Variants in C1orf50 observed in about 807,000 individuals in gnomAD.
C1orf50 encodes the protein uncharacterized protein C1orf50.
Under a neutral mutation model 23.3 loss-of-function variants are expected in C1orf50, and 22 were observed. The observed-to-expected ratio is 0.94, with a 90% CI of 0.67 to 1.35. The LOEUF (loss-of-function observed/expected upper bound fraction) is 1.35. C1orf50 is among the 40% of genes most tolerant of loss of function. The probability of loss-of-function intolerance (pLI) is 0.00; values close to 1 mark genes in which losing one functional copy is unlikely to be tolerated. For missense variants in C1orf50, 271 were observed against 249.4 expected (o/e 1.09, Z -0.58); for synonymous variants, 96 against 102.4 (o/e 0.94, Z 0.38).
At chr1:42,767,416 G>A (rs1240663440) in intron 1 of C1orf50, 26 bp downstream of exon 1, 6 of 1,555,356 alleles carry the variant, frequency 3.9e-6, no homozygotes, top group Non-Finnish European at 5.2e-6. Context: ...GTCAGCAGGG[G>A]GAAGTCAGCT....
intron 3 of C1orf50, 112 bp from the exon 4 acceptor site, chr1:42,774,625 G>C: frequency 8.5e-7 from 1 of 1,170,586 alleles, no homozygotes; most frequent in Non-Finnish European, 1.2e-6. Context: ...ATTGCTATGG[G>C]GGAGCAAGAT....
At chr1:42,767,709 T>A in intron 2 of C1orf50, 85 bp downstream of exon 2, 1 of 1,199,258 alleles carries the variant, frequency 8.3e-7, no homozygotes. Context: ...CACTACCACC[T>A]ATGGTGGGGG....
intron 2 of C1orf50, among the ~76,000 whole-genome samples, chr1:42,771,705 C>T (rs566447435): frequency 2.0e-5 from 3 of 152,206 alleles, no homozygotes; most frequent in Non-Finnish European, 2.9e-5. Flanking sequence ...TAGCTGAGCA[C>T]GGTGGCTCAT....
rs1005055696 is a variant in C1orf50, at chr1:42,774,991, G to A, written c.414+123G>A. 5.7e-6 allele frequency: 7 copies of A among 1,237,094 alleles called. No individual in the cohort carries two copies. In the African/African-American group the frequency reaches 1.1e-4, roughly 19 times the overall value. The allele number at this position is 1,237,094 out of a possible 1,614,324, so 76.6% of individuals were successfully genotyped here. On this transcript the variant is annotated intron_variant, in intron 4 of 4. Transcript: ENST00000372525. The stretch of plus-strand genomic sequence containing the variant: ...TCTTAGAAAATTGGGGGTGATGTGA[G>A]CCCAGACATGACTCTAAAAAATATA...
At position 42,775,494 on chromosome 1, in the gene C1orf50, A is replaced by G. The variant is rs957148167; in HGVS notation, c.*100A>G. On this transcript the variant is annotated 3_prime_UTR_variant, in exon 5 of 5. Transcript: ENST00000372525. ...ATTGAAGACATGTAGGTGACTCACA[A>G]ACTTCTTGGAAAGAGACCCTGTGTG... is the stretch of plus-strand genomic sequence containing the variant. 50 of 1,075,818 alleles carry G rather than the reference A, an allele frequency of 4.6e-5. 1 individual carries two copies. The highest frequency in any genetic ancestry group is 2.8e-4 in the South Asian group (15 of 53,380). 66.6% of individuals were successfully genotyped at this position (1,075,818 alleles called of 1,614,324 possible).
In C1orf50 at chr1:42,775,567, T is replaced by C. The variant is rs541332334; in HGVS notation, c.*173T>C. On this transcript the variant is annotated 3_prime_UTR_variant, in exon 5 of 5. Coordinates refer to ENST00000372525, the MANE Select transcript of C1orf50 (RefSeq NM_024097.4). ...CTTTTAATTGGGATGGGAATAATCA[T>C]TGAGACAGAGTCACTGTCTTTCGGG... 3.7e-5 allele frequency: 20 copies of C among 545,086 alleles called. No individual in the cohort carries two copies. Among genetic ancestry groups the C allele is most frequent in the Admixed American group, 1.3e-4 (4 of 31,942 alleles). The allele number at this position is 545,086 out of a possible 1,614,324, so 33.8% of individuals were successfully genotyped here. A position where few individuals can be genotyped will look rare whatever the true frequency, so the allele number is the denominator to read the frequency against.
intron 2 of C1orf50, among the ~76,000 whole-genome samples, chr1:42,770,235 T>C (rs1312099035): frequency 3.9e-5 from 6 of 152,318 alleles, no homozygotes; most frequent in African/African-American, 1.4e-4. Flanking sequence ...TTTTCCTTTT[T>C]TTGGACCTCA....
chr1:42,769,847 A>G (rs1653180273), intron 2 of C1orf50: 1 of 152,242 alleles, frequency 6.6e-6, no homozygotes, highest in Admixed American at 6.5e-5. Flanking sequence ...CGTCTCAAAA[A>G]AAAAAGTACT....
chr1:42,775,785 T>TATATATATATATAA lies in C1orf50; in HGVS notation c.*392_*393insTATATATATATAAA, dbSNP rs749472119. 4.1e-3 allele frequency: 594 copies of TATATATATATATAA among 144,368 alleles called. 5 individuals are homozygous for TATATATATATATAA. Among genetic ancestry groups the TATATATATATATAA allele is most frequent in the African/African-American group, 0.015 (577 of 39,658 alleles). The allele number at this position is 144,368 out of a possible 1,614,324, so 8.9% of individuals were successfully genotyped here. A position where few individuals can be genotyped will look rare whatever the true frequency, so the allele number is the denominator to read the frequency against. On this transcript the variant is annotated 3_prime_UTR_variant, in exon 5 of 5. Coordinates refer to ENST00000372525, the MANE Select transcript of C1orf50 (RefSeq NM_024097.4). ...TTTTATATATATATATATATATATA[T>TATATATATATATAA]AACTGGTAGTATTTAACATTGGGGT...
chr1:42,770,514 C>T (rs1653193851), intron 2 of C1orf50, among the ~76,000 whole-genome samples: 1 of 151,762 alleles, frequency 6.6e-6, no homozygotes, highest in African/African-American at 2.4e-5. Context: ...CTCACAGCAA[C>T]CTCTGCCTAC....
Position 42,775,482 on chromosome 1 carries a change from A to G in C1orf50, c.*88A>G. On this transcript the variant is annotated 3_prime_UTR_variant, in exon 5 of 5. Transcript: ENST00000372525. The stretch of plus-strand genomic sequence containing the variant: ...GTTGCCTTGAGAATTGAAGACATGT[A>G]GGTGACTCACAAACTTCTTGGAAAG... 1 of 1,231,104 alleles carries G rather than the reference A, an allele frequency of 8.1e-7. No homozygotes were observed. The highest frequency in any genetic ancestry group is 2.9e-4 in the Middle Eastern group (1 of 3,426). 76.3% of individuals were successfully genotyped at this position (1,231,104 alleles called of 1,614,324 possible).
chr1:42,772,947 G>A (rs1570494199), intron 2 of C1orf50, among the ~76,000 whole-genome samples: 1 of 152,190 alleles, frequency 6.6e-6, no homozygotes, highest in Non-Finnish European at 1.5e-5. Flanking sequence ...TTAAGTAGTT[G>A]TGATGTAAAT....
chr1:42,767,344 G>C lies in C1orf50; in HGVS notation c.33G>C (p.Glu11Asp), dbSNP rs767916583. ...ACGCCGCCGCGCCGGGGCGGACCGAGGGGGTCCTTGAAAGGCAAGGAGCGC... is the reference window on the plus strand; with the variant it reads ...ACGCCGCCGCGCCGGGGCGGACCGACGGGGTCCTTGAAAGGCAAGGAGCGC... MEDAAAPGRTEGVLERQGAPP... is the reference protein window; with the variant it reads MEDAAAPGRTDGVLERQGAPP... The change falls in exon 1 of 5, where the codon GAG (glutamate) becomes GAC (aspartate). Residue 11 changes from glutamate (E) to aspartate (D), a missense_variant. Glu to Asp is a conservative substitution (Grantham distance 45). Coordinates refer to ENST00000372525, the MANE Select transcript of C1orf50 (RefSeq NM_024097.4). The C allele has an allele frequency of 3.1e-5, 48 of 1,535,836 alleles. No individual in the cohort carries two copies. Among genetic ancestry groups the C allele is most frequent in the Non-Finnish European group, 4.1e-5 (47 of 1,145,972 alleles).
rs1288743909 is a variant in C1orf50 at position 42,777,467 on chromosome 1, C to G, written c.*2073C>G. The G allele has an allele frequency of 6.6e-6, 1 of 152,286 alleles. No individual in the cohort carries two copies. The highest frequency in any genetic ancestry group is 1.5e-5 in the Non-Finnish European group (1 of 68,090). The allele number at this position is 152,286 out of a possible 1,614,324, so 9.4% of individuals were successfully genotyped here. On this transcript the variant is annotated 3_prime_UTR_variant, in exon 5 of 5. Coordinates refer to ENST00000372525, the MANE Select transcript of C1orf50 (RefSeq NM_024097.4). ...GACTGTTGGCTGGAGGTTGCCCTCA[C>G]TTCCTTGCCACACGAGCCTCTATAA...
At chr1:42,774,935 A>C in intron 4 of C1orf50, 67 bp downstream of exon 4, 1 of 1,546,154 alleles carries the variant, frequency 6.5e-7, no homozygotes, top group Non-Finnish European at 8.8e-7. Flanking sequence ...TATATGTGTG[A>C]AAATGTAGAC....
In C1orf50 at chr1:42,767,322, C is replaced by T; in HGVS notation, c.11C>T (p.Ala4Val). MED[A>V]AAPGRTEGVL... ...GGATAAGGCGCTGTCATGGAGGACG[C>T]CGCCGCGCCGGGGCGGACCGAGGGG... Residue 4 changes from alanine (A) to valine (V), a missense_variant, in exon 1 of 5, where the codon GCC (alanine) becomes GTC (valine). Physicochemically the swap from Ala to Val is moderately conservative, Grantham distance 64. Transcript: ENST00000372525. 2 of 1,516,154 alleles carry T rather than the reference C, an allele frequency of 1.3e-6. No individual in the cohort carries two copies. The highest frequency in any genetic ancestry group is 8.8e-7 in the Non-Finnish European group (1 of 1,137,608). The allele number at this position is 1,516,154 out of a possible 1,614,324, so 93.9% of individuals were successfully genotyped here. A position where few individuals can be genotyped will look rare whatever the true frequency, so the allele number is the denominator to read the frequency against.
rs1653337140 is a variant in C1orf50, at chr1:42,776,174, A to G, written c.*780A>G. On this transcript the variant is annotated 3_prime_UTR_variant, in exon 5 of 5. Coordinates refer to ENST00000372525, the MANE Select transcript of C1orf50 (RefSeq NM_024097.4). ...GGAAATCCCAGGCTCAGCCACCTGC[A>G]GCAGAACAAACCCATTTAAATGGCT... The G allele has an allele frequency of 6.6e-6, 1 of 152,216 alleles. No individual in the cohort carries two copies. The highest frequency in any genetic ancestry group is 6.5e-5 in the Admixed American group (1 of 15,280). 9.4% of individuals were successfully genotyped at this position (152,216 alleles called of 1,614,324 possible).
At chr1:42,771,577 AC>A (rs1383340877) in intron 2 of C1orf50, among the ~76,000 whole-genome samples, 1 of 152,218 alleles carries the variant, frequency 6.6e-6, no homozygotes, top group Non-Finnish European at 1.5e-5. Flanking sequence ...ACTGAGAAGG[AC>A]CAAAAAAAGA....
At chr1:42,774,708 C>T in intron 3 of C1orf50, 29 bp from the exon 4 acceptor site, 2 of 1,580,056 alleles carry the variant, frequency 1.3e-6, no homozygotes, top group Non-Finnish European at 1.7e-6. Context: ...TCTCCAATAC[C>T]TAATTTGTTA....
Sources: gnomAD v4.1 joint callset for allele counts (sites outside exome capture counted in the v4.1 genomes callset) on GRCh38, gnomAD v4.1.1 for gene constraint, MANE v1.5 for transcripts, NCBI Gene and HGNC (gene_info 2026-07-23, HGNC 2026-07-21) for gene names.